MGST1: variants seen among roughly 807,000 people sequenced by gnomAD.
MGST1 encodes glutathione S-transferase 12.
MGST1 carries 5 observed loss-of-function variants against 8.9 expected under a neutral mutation model. The observed-to-expected ratio is 0.56, with a 90% CI of 0.29 to 1.19. The LOEUF (loss-of-function observed/expected upper bound fraction) is 1.19, where lower values mean the gene tolerates loss of function less well. Among genes scored for constraint, MGST1 ranks in the 50% most tolerant of loss-of-function variants. The probability of loss-of-function intolerance (pLI) is 0.08; values close to 1 mark genes in which losing one functional copy is unlikely to be tolerated. For missense variants in MGST1, 182 were observed against 187.4 expected, an observed-to-expected ratio of 0.97 and a Z score of 0.17; for synonymous variants, 54 against 67.8, an observed-to-expected ratio of 0.80 and a Z score of 1.00.
At position 16,503,244 on chromosome 12, in the gene MGST1, G is replaced by T. The variant is rs1258665799; in HGVS notation, n.483-86284G>T. Among the ~76,000 whole-genome samples the T allele has an allele frequency of 6.6e-6, 1 of 152,062 alleles. No individual in the cohort carries two copies. The highest frequency in any genetic ancestry group is 1.5e-5 in the Non-Finnish European group (1 of 68,024). On this transcript the variant is annotated intron_variant and non_coding_transcript_variant, in intron 4 of 4. Transcript: ENST00000538857. The surrounding 1 kb of genome is among the most constrained non-coding windows in gnomAD (Gnocchi z 4.8). ...GGGTTGGACAGGCAATGTAAATATG[G>T]ATGGTTTCAAGGGAAGGAAAATAAG...
At position 16,363,100 on chromosome 12, in the gene MGST1, A is replaced by G. The variant is rs1940072503; in HGVS notation, c.222-695A>G. On this transcript the variant is annotated intron_variant, in intron 3 of 3. Transcript: ENST00000396210. The surrounding 1 kb of genome is among the most constrained non-coding windows in gnomAD (Gnocchi z 4.6). ...CTTCTAGCTCTGTTATAAAGAAAAC[A>G]TTTAGGAAATTCTCTCTTTCTCTCT... 1 of 152,226 alleles carries G rather than the reference A, an allele frequency of 6.6e-6. No homozygotes were observed. Among genetic ancestry groups the G allele is most frequent in the African/African-American group, 2.4e-5 (1 of 41,464 alleles). The allele number at this position is 152,226 out of a possible 1,614,324, so 9.4% of individuals were successfully genotyped here.
At chr12:16,394,558 CTTTCTTTCTTTCTTTCT>C (rs879785625) in intron 1 of MGST1, among the ~76,000 whole-genome samples, 1,285 of 73,274 alleles carry the variant, frequency 0.018, 26 homozygotes, top group Non-Finnish European at 0.029. Flanking sequence ...TTCTTTCTTT[CTTTCTTTCTTTCTTTCT>C]TCTCTCTGTC....
Position 16,401,584 on chromosome 12 carries a change from C to T in MGST1, n.778+17980C>T, listed in dbSNP as rs1018570228. ...GCGAACAGGTTGGAGCAATAAGACT[C>T]GAAGCGAATACCCATGGCACAAGTG... On this transcript the variant is annotated intron_variant and non_coding_transcript_variant, in intron 1 of 1. Transcript: ENST00000359720. The surrounding 1 kb of genome is among the most constrained non-coding windows in gnomAD (Gnocchi z 4.3). 2.2e-5 allele frequency: 30 copies of T among 1,387,662 alleles called. No homozygotes were observed. The highest frequency in any genetic ancestry group is 2.7e-5 in the Non-Finnish European group (26 of 974,966). The allele number at this position is 1,387,662 out of a possible 1,614,324, so 86.0% of individuals were successfully genotyped here. A position where few individuals can be genotyped will look rare whatever the true frequency, so the allele number is the denominator to read the frequency against.
chr12:16,518,650 A>G (rs1396539788), intron 4 of MGST1, among the ~76,000 whole-genome samples: 1 of 152,212 alleles, frequency 6.6e-6, no homozygotes, highest in Non-Finnish European at 1.5e-5. Context: ...AAATGAATAT[A>G]ACAGATTTTT....
intron 4 of MGST1, among the ~76,000 whole-genome samples, chr12:16,531,747 C>A (rs1463895329): frequency 8.5e-5 from 13 of 152,064 alleles, no homozygotes. Flanking sequence ...TGGAAGAATG[C>A]CAGCGGGAAT....
chr12:16,455,867 A>C (rs982337757), intron 4 of MGST1, among the ~76,000 whole-genome samples: 2 of 151,928 alleles, frequency 1.3e-5, no homozygotes, highest in African/African-American at 4.8e-5. Context: ...TATAACCATA[A>C]AATTTTCAAT....
At chr12:16,371,676 C>G (rs890752653) in intron 3 of MGST1, among the ~76,000 whole-genome samples, 17 of 151,662 alleles carry the variant, frequency 1.1e-4, no homozygotes, top group Admixed American at 8.5e-4. Flanking sequence ...ATCTTTGTTA[C>G]AAAAAAAGGT....
At chr12:16,350,937 G>T (rs1286985752) in intron 1 of MGST1, 2 of 152,204 alleles carry the variant, frequency 1.3e-5, no homozygotes, top group East Asian at 3.9e-4. Flanking sequence ...GCCTCCCATT[G>T]CCCTTTTTCC....
At chr12:16,563,336 T>G (rs965639424) in intron 4 of MGST1, among the ~76,000 whole-genome samples, 2 of 152,202 alleles carry the variant, frequency 1.3e-5, no homozygotes, top group African/African-American at 4.8e-5. Flanking sequence ...AAACCCAGGA[T>G]TCTCTGGGAA....
intron 1 of MGST1, among the ~76,000 whole-genome samples, chr12:16,397,591 C>T (rs1940615988): frequency 6.6e-6 from 1 of 151,318 alleles, no homozygotes; most frequent in Admixed American, 6.6e-5. Context: ...AAAAAACAAA[C>T]AACAAAGAGT....
intron 4 of MGST1, among the ~76,000 whole-genome samples, chr12:16,498,363 T>C (rs1441898789): frequency 6.6e-6 from 1 of 152,154 alleles, no homozygotes; most frequent in Non-Finnish European, 1.5e-5. Context: ...CTGTATTTTT[T>C]ATAGCAGCAC....
At chr12:16,438,714 A>C (rs922305422) in exon 2 of MGST1, 1 of 151,746 alleles carries the variant, frequency 6.6e-6, no homozygotes, top group Non-Finnish European at 1.5e-5. Flanking sequence ...TCTTTTGTGC[A>C]TCACACATAT....
In MGST1 at chr12:16,585,627, C is replaced by A. The variant is rs551488736; in HGVS notation, n.483-3901C>A. On this transcript the variant is annotated intron_variant and non_coding_transcript_variant, in intron 4 of 4. Coordinates refer to the MGST1 transcript ENST00000538857. The surrounding 1 kb of genome is among the most constrained non-coding windows in gnomAD (Gnocchi z 4.7). ...TATGTTCCCACCTGTATTTTCTTTC[C>A]GTTGAAGTCCACCCATTCCAATTAT... Among the ~76,000 whole-genome samples, 1 of 152,134 alleles carries A rather than the reference C, an allele frequency of 6.6e-6. No individual in the cohort carries two copies. Among genetic ancestry groups the A allele is most frequent in the Non-Finnish European group, 1.5e-5 (1 of 68,028 alleles).
chr12:16,416,955 G>A (rs1173628759), intron 1 of MGST1, among the ~76,000 whole-genome samples: 3 of 152,064 alleles, frequency 2.0e-5, no homozygotes, highest in Middle Eastern at 3.2e-3. Flanking sequence ...AGTATCACAA[G>A]GTAGCCAGTT....
At chr12:16,483,213 G>T (rs1458460316) in intron 4 of MGST1, among the ~76,000 whole-genome samples, 2 of 152,064 alleles carry the variant, frequency 1.3e-5, no homozygotes, top group Admixed American at 6.5e-5. Context: ...TTCATTAAGA[G>T]ATTTTTTCAA....
At chr12:16,457,128 T>C (rs1251480402) in intron 4 of MGST1, among the ~76,000 whole-genome samples, 2 of 151,990 alleles carry the variant, frequency 1.3e-5, no homozygotes, top group Non-Finnish European at 2.9e-5. Flanking sequence ...TCTTCTCATA[T>C]CCAGGCATTA....
intron 4 of MGST1, chr12:16,549,612 GT>G (rs1171589247): frequency 6.6e-6 from 1 of 152,340 alleles, no homozygotes; most frequent in Non-Finnish European, 1.5e-5. Context: ...GGAAAATATT[GT>G]TTCCTATACA....
chr12:16,553,884 AT>A (rs1333134356), intron 4 of MGST1, among the ~76,000 whole-genome samples: 1 of 151,704 alleles, frequency 6.6e-6, no homozygotes, highest in Non-Finnish European at 1.5e-5. Context: ...AAAAAAAAGC[AT>A]TATGAAAGGA....
chr12:16,565,612 A>T (rs1415601276), intron 4 of MGST1, among the ~76,000 whole-genome samples: 1 of 152,142 alleles, frequency 6.6e-6, no homozygotes, highest in Non-Finnish European at 1.5e-5. Context: ...AATGTTTAAC[A>T]TTATTTTGAA....
Sources: allele counts gnomAD v4.1 joint callset (sites outside exome capture counted in the v4.1 genomes callset), GRCh38; gene constraint gnomAD v4.1.1; non-coding constraint Gnocchi (gnomAD v3.1); transcripts MANE v1.5; gene names NCBI Gene and HGNC (gene_info 2026-07-23, HGNC 2026-07-21).